CLDN16: variants seen among roughly 807,000 people sequenced by gnomAD.
The protein encoded by CLDN16 is claudin-16.
Under a neutral mutation model 24.6 loss-of-function variants are expected in CLDN16, and 13 were observed. The ratio of observed to expected loss-of-function variants is 0.53; its 90% CI spans 0.34 to 0.84. CLDN16 has a LOEUF of 0.84. Among genes scored for constraint, CLDN16 ranks in the 40% least tolerant of loss-of-function variants. CLDN16 has a pLI of 0.01. For missense variants in CLDN16, 298 were observed against 292.7 expected, an observed-to-expected ratio of 1.02 and a Z score of -0.13; for synonymous variants, 116 against 106.7, an observed-to-expected ratio of 1.09 and a Z score of -0.54.
chr3:190,308,158 T>A, the CLDN16 span: 1 of 1,208,432 alleles, frequency 8.3e-7, no homozygotes, highest in Non-Finnish European at 1.2e-6. Flanking sequence ...GTTTGTTTGT[T>A]TTGTAATACC....
intron 1 of CLDN16, among the ~76,000 whole-genome samples, chr3:190,356,863 A>G (rs1425103): frequency 0.67 from 101,565 of 151,714 alleles, 34,162 homozygotes; most frequent in Middle Eastern, 0.73. Context: ...TCAATTATTA[A>G]AAGTTATGTA....
chr3:190,391,064 G>A (rs774045253), intron 1 of CLDN16, among the ~76,000 whole-genome samples: 1 of 152,090 alleles, frequency 6.6e-6, no homozygotes, highest in South Asian at 2.1e-4. Flanking sequence ...TGGGATTATA[G>A]GAGTGAACCA....
chr3:190,406,009 G>C (rs952451140), intron 3 of CLDN16, among the ~76,000 whole-genome samples: 1 of 152,146 alleles, frequency 6.6e-6, no homozygotes, highest in Non-Finnish European at 1.5e-5. Flanking sequence ...GTAGTACATC[G>C]ATATGGAGTT....
chr3:190,327,608 G>T (rs1717095661), intron 1 of CLDN16, among the ~76,000 whole-genome samples: 1 of 152,222 alleles, frequency 6.6e-6, no homozygotes, highest in Non-Finnish European at 1.5e-5. Context: ...AAACTCAGTT[G>T]TTCTGGCTCT....
Position 190,404,834 on chromosome 3 carries a change from T to C in CLDN16, c.290T>C (p.Leu97Pro), listed in dbSNP as rs104893725. ...GCTGGGTTTGGATTTCTCACCCTGC[T>C]CCTTGGTCTTGACTGCGTGAAATTC... ...ILAGFGFLTL[L>P]LGLDCVKFLP... Residue 97 changes from leucine (L) to proline (P), a missense_variant, in exon 3 of 5, where the codon CTC (leucine) becomes CCC (proline). By Grantham distance (98) the Leu-to-Pro change is moderately conservative. Transcript: ENST00000264734. The C allele has an allele frequency of 1.2e-6, 2 of 1,614,174 alleles. No homozygotes were observed. Among genetic ancestry groups the C allele is most frequent in the Non-Finnish European group, 1.7e-6 (2 of 1,180,016 alleles).
At chr3:190,345,918 A>G (rs144485481) in intron 1 of CLDN16, among the ~76,000 whole-genome samples, 6 of 152,164 alleles carry the variant, frequency 3.9e-5, no homozygotes, top group South Asian at 2.1e-4. Context: ...TATGTAATAT[A>G]TATAATATTT....
chr3:190,294,694 GA>G, the CLDN16 span, among the ~76,000 whole-genome samples: 1 of 151,930 alleles, frequency 6.6e-6, no homozygotes, highest in East Asian at 1.9e-4. Flanking sequence ...TTCTTCTGAA[GA>G]ACATTTTTTA....
chr3:190,322,285 C>G (rs1436262938), upstream of CLDN16: 5 of 1,287,700 alleles, frequency 3.9e-6, no homozygotes, highest in Admixed American at 7.3e-5. Flanking sequence ...AACCCGGACT[C>G]CCGAAGGTGG....
chr3:190,333,249 T>C (rs561816797), intron 1 of CLDN16, among the ~76,000 whole-genome samples: 1 of 152,224 alleles, frequency 6.6e-6, no homozygotes, highest in Admixed American at 6.5e-5. Flanking sequence ...AGACCTCAGG[T>C]TTAGGAACTC....
chr3:190,385,142 C>A (rs374651705), upstream of CLDN16, among the ~76,000 whole-genome samples: 1 of 152,062 alleles, frequency 6.6e-6, no homozygotes, highest in Non-Finnish European at 1.5e-5. Context: ...AGTCAGAGTA[C>A]ACTGTTCATA....
chr3:190,360,457 T>C (rs575447394), intron 1 of CLDN16, among the ~76,000 whole-genome samples: 207 of 152,004 alleles, frequency 1.4e-3, no homozygotes, highest in South Asian at 8.1e-3. Context: ...GGAAGTCTTC[T>C]CAATCATCAA....
At chr3:190,379,589 AAAC>A (rs1339595819) in intron 3 of CLDN16, among the ~76,000 whole-genome samples, 1 of 152,086 alleles carries the variant, frequency 6.6e-6, no homozygotes, top group African/African-American at 2.4e-5. Context: ...ACAAACAAAC[AAAC>A]AACATCATCA....
rs147679683 is a variant in CLDN16 at position 190,379,237 on chromosome 3, G to A, written n.306+4634G>A. ...CTGAAACCAAGTTTCTATAATTCCA[G>A]TCCATTTTTCTATTAAAATGATTAG... On this transcript the variant is annotated intron_variant and non_coding_transcript_variant, in intron 3 of 4. Coordinates refer to the CLDN16 transcript ENST00000468220. Among the ~76,000 whole-genome samples, 257 of 152,096 alleles carry A rather than the reference G, an allele frequency of 1.7e-3. 2 individuals are homozygous for A. Among genetic ancestry groups the A allele is most frequent in the African/African-American group, 5.9e-3 (244 of 41,526 alleles).
At chr3:190,361,766 A>T (rs944638097) in intron 1 of CLDN16, among the ~76,000 whole-genome samples, 2 of 151,896 alleles carry the variant, frequency 1.3e-5, no homozygotes, top group Non-Finnish European at 2.9e-5. Flanking sequence ...AGCTGCAAAC[A>T]TAGATAAACA....
chr3:190,333,758 T>C (rs1220274503), intron 1 of CLDN16, among the ~76,000 whole-genome samples: 1 of 152,148 alleles, frequency 6.6e-6, no homozygotes, highest in Non-Finnish European at 1.5e-5. Flanking sequence ...GATTTTTCAC[T>C]CTCTATTACA....
the CLDN16 span, among the ~76,000 whole-genome samples, chr3:190,310,434 T>C: frequency 3.3e-5 from 5 of 152,288 alleles, no homozygotes; most frequent in Admixed American, 2.0e-4. Flanking sequence ...TCTATTAAAA[T>C]ATAAAAAAAT....
chr3:190,345,485 A>G (rs552761796), intron 1 of CLDN16, among the ~76,000 whole-genome samples: 1 of 152,132 alleles, frequency 6.6e-6, no homozygotes, highest in East Asian at 1.9e-4. Flanking sequence ...TCTCATCACT[A>G]TTATTTTTCC....
chr3:190,336,981 T>TGA (rs1717325797), intron 1 of CLDN16, among the ~76,000 whole-genome samples: 1 of 152,232 alleles, frequency 6.6e-6, no homozygotes, highest in South Asian at 2.1e-4. Flanking sequence ...CAGTCTCACC[T>TGA]GACACCACTC....
chr3:190,355,681 G>A (rs112810323), intron 1 of CLDN16, among the ~76,000 whole-genome samples: 2 of 151,716 alleles, frequency 1.3e-5, no homozygotes, highest in African/African-American at 2.4e-5. Flanking sequence ...ATTTCCTTGA[G>A]ATCTTGTGAG....
Sources: allele counts gnomAD v4.1 joint callset (sites outside exome capture counted in the v4.1 genomes callset), GRCh38; gene constraint gnomAD v4.1.1; transcripts MANE v1.5; gene names NCBI Gene and HGNC (gene_info 2026-07-23, HGNC 2026-07-21).